CAPN5: variants seen among roughly 807,000 people sequenced by gnomAD.
CAPN5 encodes the protein calpain-5.
Under a neutral mutation model 73.0 loss-of-function variants are expected in CAPN5, and 54 were observed. The ratio of observed to expected loss-of-function variants is 0.74; its 90% CI spans 0.59 to 0.93. The LOEUF (loss-of-function observed/expected upper bound fraction) is 0.93, where lower values mean the gene tolerates loss of function less well. Among genes scored for constraint, CAPN5 ranks in the 40% least tolerant of loss-of-function variants. The probability of loss-of-function intolerance (pLI) is 0.00; values close to 1 mark genes in which losing one functional copy is unlikely to be tolerated. For synonymous variants in CAPN5, 335 were observed against 356.9 expected (o/e 0.94, Z 0.69); for missense variants, 785 against 882.9 (o/e 0.89, Z 1.41).
At chr11:77,085,171 G>A in intron 2 of CAPN5, 120 bp downstream of exon 2, 1 of 831,346 alleles carries the variant, frequency 1.2e-6, no homozygotes, top group Non-Finnish European at 1.9e-6. Context: ...TGCTGAGAAA[G>A]TGAGGGTGCT....
intron 1 of CAPN5, among the ~76,000 whole-genome samples, chr11:77,074,060 T>C (rs979962853): frequency 1.3e-5 from 2 of 152,218 alleles, no homozygotes; most frequent in African/African-American, 4.8e-5. Context: ...AAGCATCTTA[T>C]TAGATGGTGA....
At chr11:77,087,960 G>GC (rs1185424043) in intron 2 of CAPN5, 31 of 1,535,912 alleles carry the variant, frequency 2.0e-5, no homozygotes, top group Non-Finnish European at 2.7e-5. Context: ...CCATTCGCTG[G>GC]CCCCTCACAG....
chr11:77,114,258 CAGGCCCTGGATGG>C lies in CAPN5; in HGVS notation c.528_540del (p.Leu177ThrfsTer19), dbSNP rs1555041256. 2.5e-6 allele frequency: 4 copies of C among 1,614,066 alleles called. No homozygotes were observed. The highest frequency in any genetic ancestry group is 2.5e-6 in the Non-Finnish European group (3 of 1,179,944). ...GCTTCCCAGACTGGCAGGCTGTTAC[CAGGCCCTGGATGG>C]AGGCAACACAGCAGACGCACTGGTG... On this transcript the variant is annotated frameshift_variant, in exon 5 of 13. Coordinates refer to ENST00000648180, the MANE Select transcript of CAPN5 (RefSeq NM_004055.5). LOFTEE classifies it high-confidence loss of function.
chr11:77,105,931 G>A (rs1383003675), intron 3 of CAPN5, among the ~76,000 whole-genome samples: 1 of 152,206 alleles, frequency 6.6e-6, no homozygotes, highest in Non-Finnish European at 1.5e-5. Context: ...TGGAGGGGCT[G>A]GAAGCAGGTG....
At chr11:77,102,946 G>A (rs1950302640) in intron 3 of CAPN5, 2 of 1,613,172 alleles carry the variant, frequency 1.2e-6, no homozygotes, top group East Asian at 4.5e-5. Flanking sequence ...AAGCAGCGCG[G>A]GGAGAAGCGC....
Position 77,120,740 on chromosome 11 carries a change from C to T in CAPN5, c.1318C>T (p.His440Tyr), listed in dbSNP as rs1950513395. The T allele has an allele frequency of 1.2e-6, 2 of 1,612,774 alleles. No individual in the cohort carries two copies. Among genetic ancestry groups the T allele is most frequent in the Non-Finnish European group, 1.7e-6 (2 of 1,179,514 alleles). ...GGAGGAGAACCGCCAGTACCGCATG[C>T]ACAGCCTGCAGCACAAGGCCGCCAG... ...KVEENRQYRM[H>Y]SLQHKAASSI... The change falls in exon 10 of 13, where the codon CAC (histidine) becomes TAC (tyrosine). Residue 440 changes from histidine to tyrosine, a missense_variant. His to Tyr is a moderately conservative substitution (Grantham distance 83, BLOSUM62 2). Transcript: ENST00000648180.
chr11:77,123,657 G>A (rs575998268), intron 12 of CAPN5, 31 bp from the exon 13 acceptor site: 48 of 1,577,076 alleles, frequency 3.0e-5, no homozygotes, highest in South Asian at 5.6e-5. Flanking sequence ...GAGGTAGCCC[G>A]CCCCTCCCAT....
intron 4 of CAPN5, among the ~76,000 whole-genome samples, chr11:77,113,841 A>T (rs1478347404): frequency 6.6e-6 from 1 of 152,214 alleles, no homozygotes; most frequent in Non-Finnish European, 1.5e-5. Context: ...ATATGGAAAC[A>T]TACAATTCAG....
At chr11:77,112,326 T>A (rs1239436251) in intron 3 of CAPN5, among the ~76,000 whole-genome samples, 5 of 151,340 alleles carry the variant, frequency 3.3e-5, no homozygotes, top group Middle Eastern at 3.4e-3. Flanking sequence ...CAGGGAGGCA[T>A]GAGAAAGAGG....
intron 3 of CAPN5, among the ~76,000 whole-genome samples, chr11:77,096,649 C>T (rs1267849591): frequency 6.6e-6 from 1 of 152,256 alleles, no homozygotes; most frequent in Non-Finnish European, 1.5e-5. Context: ...CAGGTTGCGA[C>T]AGTTTGGCTG....
rs1950514047 is a variant in CAPN5 at position 77,120,794 on chromosome 11, T to C, written c.1372T>C (p.Phe458Leu). Reference sequence around the variant, plus strand: ...CATCTACATCAACTCACGCAGCGTCTTCCTGCGCACCGACCAGCCCGAGGG... The same window carrying C: ...CATCTACATCAACTCACGCAGCGTCCTCCTGCGCACCGACCAGCCCGAGGG... ...SSIYINSRSV[F>L]LRTDQPEGRY... Residue 458 changes from phenylalanine to leucine, a missense_variant, in exon 10 of 13, where the codon TTC becomes CTC. Phe to Leu is a conservative substitution (Grantham distance 22, BLOSUM62 0). Transcript: ENST00000648180. 10 of 1,614,120 alleles carry C rather than the reference T, an allele frequency of 6.2e-6. No individual in the cohort carries two copies. Among genetic ancestry groups the C allele is most frequent in the Non-Finnish European group, 8.5e-6 (10 of 1,180,000 alleles).
At chr11:77,078,145 C>G (rs1266330766) in intron 1 of CAPN5, among the ~76,000 whole-genome samples, 5 of 152,114 alleles carry the variant, frequency 3.3e-5, no homozygotes, top group Non-Finnish European at 5.9e-5. Flanking sequence ...TTGCCCAGAC[C>G]AATGTCATAA....
In CAPN5 at chr11:77,103,348, C is replaced by T. The variant is rs1555039336; in HGVS notation, c.298-9241C>T. The T allele has an allele frequency of 1.9e-6, 3 of 1,599,018 alleles. No individual in the cohort carries two copies. In the South Asian group the frequency reaches 3.3e-5, roughly 18 times the overall value. On this transcript the variant is annotated intron_variant, in intron 3 of 12. Transcript: ENST00000648180. ...CAGCTCTGACAGCAGCTGCCAGCTG[C>T]TGCTCTCCTCTAGCCCACCTGTGCT...
chr11:77,073,223 C>T lies in CAPN5; in HGVS notation c.-36+6129C>T, dbSNP rs1591107897. On this transcript the variant is annotated intron_variant, in intron 1 of 12. Coordinates refer to ENST00000648180, the MANE Select transcript of CAPN5 (RefSeq NM_004055.5). ...AGTGTTAAAACTGTGGTGAGCTGCT[C>T]ACCCGAGGCTTGGCCTGGGGCTGCC... 3 of 760,820 alleles carry T rather than the reference C, an allele frequency of 3.9e-6. No homozygotes were observed. The South Asian group carries it at 4.4e-5, about 11-fold the overall frequency. 47.1% of individuals were successfully genotyped at this position (760,820 alleles called of 1,614,324 possible).
rs573263468 is a variant in CAPN5, at chr11:77,084,349, C to T, written c.-35-503C>T. 2.4e-4 allele frequency among the ~76,000 whole-genome samples: 36 copies of T among 151,636 alleles called. 1 individual carries two copies. The highest frequency in any genetic ancestry group is 1.3e-3 in the Admixed American group (20 of 15,280). ...ATGCTGTGAGGAAGGCAGCATGGTGCGGGGAGGACCGGAGAGAATGAATGA... is the reference window on the plus strand; with the variant it reads ...ATGCTGTGAGGAAGGCAGCATGGTGTGGGGAGGACCGGAGAGAATGAATGA... On this transcript the variant is annotated intron_variant, in intron 1 of 12. Transcript: ENST00000648180.
chr11:77,069,854 G>A (rs1342724925), intron 1 of CAPN5, among the ~76,000 whole-genome samples: 1 of 152,190 alleles, frequency 6.6e-6, no homozygotes, highest in Non-Finnish European at 1.5e-5. Context: ...CCGTGGTCCT[G>A]AGGCTTGGCC....
Position 77,114,307 on chromosome 11 carries a change from G to T in CAPN5, c.572G>T (p.Gly191Val). 6.2e-7 allele frequency: 1 copy of T among 1,614,224 alleles called. No individual in the cohort carries two copies. Among genetic ancestry groups the T allele is most frequent in the Non-Finnish European group, 8.5e-7 (1 of 1,180,042 alleles). ...NTADALVDFT[G>V]GVSEPIDLTE... ...GCAGACGCACTGGTGGACTTCACGG[G>T]TGGTGTTTCTGAGCCCATCGACCTG... Residue 191 changes from glycine (G) to valine (V), a missense_variant, in exon 5 of 13, where the codon GGT becomes GTT. Transcript: ENST00000648180.
intron 1 of CAPN5, among the ~76,000 whole-genome samples, chr11:77,072,442 C>T (rs1365764790): frequency 6.6e-6 from 1 of 152,198 alleles, no homozygotes; most frequent in East Asian, 1.9e-4. Context: ...CTCCTCACTG[C>T]CCCTTGGTCA....
intron 1 of CAPN5, chr11:77,073,263 C>T (rs1283284921): frequency 7.0e-6 from 3 of 430,730 alleles, no homozygotes; most frequent in East Asian, 1.5e-4. Flanking sequence ...GCCCAACAGT[C>T]TCCACCTCCA....
Sources: gnomAD v4.1 joint callset for allele counts (sites outside exome capture counted in the v4.1 genomes callset) on GRCh38, gnomAD v4.1.1 for gene constraint, MANE v1.5 for transcripts, NCBI Gene and HGNC (gene_info 2026-07-23, HGNC 2026-07-21) for gene names.